The following REV3L variants were observed in gnomAD, a reference collection of about 807,000 sequenced individuals.
REV3L encodes REV3 like, DNA directed polymerase zeta catalytic subunit, also known as DNA polymerase zeta catalytic subunit.
A neutral mutation model predicts 299.4 loss-of-function variants in REV3L; 69 were observed. That is an observed-to-expected ratio of 0.23 (90% CI 0.19 to 0.28). The LOEUF is 0.28. REV3L is among the 10% of genes least tolerant of loss of function. The pLI is 1.00. For synonymous variants in REV3L, 1,238 were observed against 1,271.4 expected (o/e 0.97, Z 0.56); for missense variants, 3,128 against 3,693.8 (o/e 0.85, Z 3.97).
intron 1 of REV3L, among the ~76,000 whole-genome samples, chr6:111,418,711 A>C (rs1342031776): frequency 6.6e-6 from 1 of 152,222 alleles, no homozygotes; most frequent in Non-Finnish European, 1.5e-5. Context: ...TTAAAAAGTC[A>C]ATGTTGGCTT....
At chr6:111,475,892 A>T (rs781332062) in intron 1 of REV3L, among the ~76,000 whole-genome samples, 88 of 152,130 alleles carry the variant, frequency 5.8e-4, no homozygotes, top group Non-Finnish European at 9.9e-4. Flanking sequence ...TAAATCTTTA[A>T]CTCCTCTGGA....
intron 18 of REV3L, among the ~76,000 whole-genome samples, chr6:111,354,386 T>G (rs891053742): frequency 6.6e-6 from 1 of 152,198 alleles, no homozygotes; most frequent in African/African-American, 2.4e-5. Context: ...GATAAAAAGC[T>G]GTCTATTTTT....
At chr6:111,326,344 A>C (rs897710861) in intron 25 of REV3L, among the ~76,000 whole-genome samples, 1 of 152,160 alleles carries the variant, frequency 6.6e-6, no homozygotes, top group Non-Finnish European at 1.5e-5. Flanking sequence ...ACATTTCTCA[A>C]AAGATGACAT....
At chr6:111,344,664 C>T (rs1447235416) in intron 20 of REV3L, among the ~76,000 whole-genome samples, 1 of 152,154 alleles carries the variant, frequency 6.6e-6, no homozygotes, top group Non-Finnish European at 1.5e-5. Context: ...TAAATATGTA[C>T]TTCCAGCTAG....
intron 4 of REV3L, among the ~76,000 whole-genome samples, chr6:111,404,342 A>G (rs760941743): frequency 6.6e-6 from 1 of 152,192 alleles, no homozygotes; most frequent in Non-Finnish European, 1.5e-5. Context: ...CTTTCAAACT[A>G]TTTCTGCTCA....
chr6:111,387,373 A>AT (rs774397993), intron 9 of REV3L, among the ~76,000 whole-genome samples: 1 of 152,206 alleles, frequency 6.6e-6, no homozygotes, highest in Non-Finnish European at 1.5e-5. Flanking sequence ...AAATCATTGA[A>AT]TTATACGCTT....
At chr6:111,334,418 G>A (rs1012559821) in intron 22 of REV3L, among the ~76,000 whole-genome samples, 5 of 151,980 alleles carry the variant, frequency 3.3e-5, no homozygotes, top group African/African-American at 9.7e-5. Context: ...GTTTTTCAAA[G>A]AAAGAAACAA....
intron 28 of REV3L, chr6:111,312,115 G>C (rs901104386): frequency 6.6e-6 from 1 of 152,124 alleles, no homozygotes; most frequent in Non-Finnish European, 1.5e-5. Flanking sequence ...AGTAGATTAA[G>C]TTAGTTCTAG....
intron 5 of REV3L, among the ~76,000 whole-genome samples, chr6:111,392,401 CA>C (rs1251916738): frequency 2.6e-5 from 4 of 151,472 alleles, no homozygotes; most frequent in Non-Finnish European, 2.9e-5. Context: ...ATACTGCCTC[CA>C]AAAAAAATCT....
chr6:111,393,963 C>A (rs998582400), intron 4 of REV3L, among the ~76,000 whole-genome samples: 1 of 152,126 alleles, frequency 6.6e-6, no homozygotes, highest in Non-Finnish European at 1.5e-5. Context: ...ATTTCATTTT[C>A]ATAAAAAATA....
intron 1 of REV3L, among the ~76,000 whole-genome samples, chr6:111,471,757 T>A (rs939558677): frequency 6.6e-6 from 1 of 152,170 alleles, no homozygotes; most frequent in Non-Finnish European, 1.5e-5. Flanking sequence ...ATGAAGGTAG[T>A]GCCACATGAC....
chr6:111,303,470 G>A (rs571120393), intron 31 of REV3L, among the ~76,000 whole-genome samples: 2 of 151,574 alleles, frequency 1.3e-5, no homozygotes, highest in African/African-American at 2.4e-5. Flanking sequence ...TGGCTCAAGC[G>A]ATTGTCCTAC....
chr6:111,433,574 C>T (rs1175841221), intron 1 of REV3L, among the ~76,000 whole-genome samples: 1 of 152,108 alleles, frequency 6.6e-6, no homozygotes, highest in Non-Finnish European at 1.5e-5. Flanking sequence ...AGTCTCCCAT[C>T]AAAGAAGAGC....
intron 1 of REV3L, among the ~76,000 whole-genome samples, chr6:111,437,472 T>C (rs1787692885): frequency 1.3e-5 from 2 of 151,768 alleles, no homozygotes; most frequent in East Asian, 1.9e-4. Context: ...CAATTAAAAA[T>C]TGTATACTAA....
At chr6:111,387,219 G>A (rs570236262) in intron 9 of REV3L, among the ~76,000 whole-genome samples, 1 of 152,244 alleles carries the variant, frequency 6.6e-6, no homozygotes, top group African/African-American at 2.4e-5. Flanking sequence ...ATAATATACA[G>A]TATCTAGACA....
chr6:111,325,124 G>A lies in REV3L; in HGVS notation c.8242-2446C>T, dbSNP rs1774635602. Among the ~76,000 whole-genome samples, 4 of 152,294 alleles carry A rather than the reference G, an allele frequency of 2.6e-5. No individual in the cohort carries two copies. The South Asian group carries it at 8.3e-4, about 32-fold the overall frequency. ...GATCCACCCGCCTTGGCCTCCCAAAGTGCTGGGATTACAGGCGTGAGCCAC... is the reference window on the plus strand; with the variant it reads ...GATCCACCCGCCTTGGCCTCCCAAAATGCTGGGATTACAGGCGTGAGCCAC... On this transcript the variant is annotated intron_variant, in intron 25 of 31. Coordinates refer to ENST00000368802, the MANE Select transcript of REV3L (RefSeq NM_001372078.1).
intron 23 of REV3L, 41 bp from the exon 24 acceptor site, chr6:111,331,825 C>G: frequency 7.9e-7 from 1 of 1,258,158 alleles, no homozygotes; most frequent in Non-Finnish European, 1.2e-6. Context: ...TTCCTCAAAT[C>G]ATAGAACAGA....
intron 18 of REV3L, among the ~76,000 whole-genome samples, chr6:111,355,913 T>C (rs1301172776): frequency 6.6e-6 from 1 of 152,160 alleles, no homozygotes; most frequent in African/African-American, 2.4e-5. Context: ...GTGCTATAAA[T>C]AGTAAAAATA....
intron 1 of REV3L, among the ~76,000 whole-genome samples, chr6:111,448,336 T>C (rs1789101237): frequency 6.6e-6 from 1 of 152,142 alleles, no homozygotes; most frequent in South Asian, 2.1e-4. Flanking sequence ...GGTTTTCTTT[T>C]TTTTCTTTTC....
Sources: allele counts gnomAD v4.1 joint callset (sites outside exome capture counted in the v4.1 genomes callset), GRCh38; gene constraint gnomAD v4.1.1; transcripts MANE v1.5; gene names NCBI Gene and HGNC (gene_info 2026-07-23, HGNC 2026-07-21).